Variants in SCYL2 observed in about 807,000 individuals in gnomAD.
SCYL2 encodes the protein SCY1 like pseudokinase 2.
Under a neutral mutation model 100.4 loss-of-function variants are expected in SCYL2, and 36 were observed. That is an observed-to-expected ratio of 0.36 (90% CI 0.27 to 0.47). The LOEUF is 0.47. Ranked by LOEUF, SCYL2 falls within the 20% of genes least tolerant of loss-of-function variation. The probability of loss-of-function intolerance (pLI) is 1.00; values close to 1 mark genes in which losing one functional copy is unlikely to be tolerated. For missense variants in SCYL2, 902 were observed against 1,083.9 expected (o/e 0.83, Z 2.36); for synonymous variants, 330 against 359.2 (o/e 0.92, Z 0.92).
chr12:100,327,214 T>G, intron 12 of SCYL2: 1 of 397,034 alleles, frequency 2.5e-6, no homozygotes, highest in South Asian at 1.9e-5. Flanking sequence ...GTAAAATAAG[T>G]GATTCAAGAT....
In SCYL2 at chr12:100,267,283, T is replaced by C; in HGVS notation, c.-538T>C. 1 of 560,688 alleles carries C rather than the reference T, an allele frequency of 1.8e-6. No homozygotes were observed. The highest frequency in any genetic ancestry group is 3.3e-5 in the Admixed American group (1 of 30,050). The allele number at this position is 560,688 out of a possible 1,614,324, so 34.7% of individuals were successfully genotyped here. On this transcript the variant is annotated 5_prime_UTR_variant, in exon 1 of 18. An upstream open reading frame in the 5' UTR loses its in-frame stop. Transcript: ENST00000360820. ...CGCGGGGGCGGCGGAGGATATGGAG[T>C]AAAGCCAGAGTCAGTGGCCAGGCAC...
intron 4 of SCYL2, among the ~76,000 whole-genome samples, chr12:100,305,079 A>G (rs934215360): frequency 1.2e-4 from 19 of 152,336 alleles, no homozygotes; most frequent in African/African-American, 4.3e-4. Context: ...CCCATTGTCA[A>G]TATTAGACAG....
At chr12:100,298,852 G>A (rs1346053585) in intron 4 of SCYL2, among the ~76,000 whole-genome samples, 1 of 152,204 alleles carries the variant, frequency 6.6e-6, no homozygotes, top group Non-Finnish European at 1.5e-5. Context: ...AAAGTGCTGG[G>A]ATTACAAGAG....
In SCYL2 at chr12:100,291,753, A is replaced by C. The variant is rs906484790; in HGVS notation, c.335+93A>C. The C allele has an allele frequency of 3.4e-5, 42 of 1,235,372 alleles. 1 individual carries two copies. The South Asian group carries it at 5.7e-4, about 17-fold the overall frequency. The allele number at this position is 1,235,372 out of a possible 1,614,324, so 76.5% of individuals were successfully genotyped here. On this transcript the variant is annotated intron_variant, in intron 3 of 17. Transcript: ENST00000360820. ...AAATCTGTTTCAAGTATTGTCAGTG[A>C]AAAATTCTTATACTCTAAGTGTTGA...
At position 100,338,709 on chromosome 12, in the gene SCYL2, A is replaced by G. The variant is rs753750098; in HGVS notation, c.2327A>G (p.Asn776Ser). The change falls in exon 18 of 18, where the codon AAT (asparagine) becomes AGT (serine). Residue 776 changes from asparagine to serine, a missense_variant. By Grantham distance (46) the Asn-to-Ser change is conservative (BLOSUM62 1). Coordinates refer to ENST00000360820, the MANE Select transcript of SCYL2 (RefSeq NM_017988.6). ...KRNLTNGLNA[N>S]MGFQTSGFNM... ...AATTTGACAAATGGCCTAAATGCCA[A>G]TATGGGCTTTCAGACTTCAGGATTC... The G allele has an allele frequency of 4.3e-6, 7 of 1,614,038 alleles. No individual in the cohort carries two copies. The highest frequency in any genetic ancestry group is 3.3e-5 in the Admixed American group (2 of 60,006).
At chr12:100,336,773 T>C (rs1952282946) in intron 16 of SCYL2, among the ~76,000 whole-genome samples, 1 of 152,178 alleles carries the variant, frequency 6.6e-6, no homozygotes, top group African/African-American at 2.4e-5. Flanking sequence ...TACTTTTCTC[T>C]TGGTTAGCAT....
chr12:100,299,804 A>G (rs1319465638), intron 4 of SCYL2, among the ~76,000 whole-genome samples: 1 of 152,172 alleles, frequency 6.6e-6, no homozygotes, highest in Non-Finnish European at 1.5e-5. Flanking sequence ...GCTACTGTGC[A>G]TAAAGCTGCT....
At chr12:100,273,045 T>C (rs890878260) in intron 1 of SCYL2, among the ~76,000 whole-genome samples, 40 of 152,264 alleles carry the variant, frequency 2.6e-4, no homozygotes, top group African/African-American at 9.4e-4. Context: ...TTCTCTTCAG[T>C]CTTGCCATAT....
chr12:100,276,170 C>A (rs1222201352), intron 1 of SCYL2, among the ~76,000 whole-genome samples: 1 of 152,020 alleles, frequency 6.6e-6, no homozygotes, highest in Non-Finnish European at 1.5e-5. Context: ...TGGAAAGTAT[C>A]CTCCCCTCTT....
At chr12:100,337,145 AT>A (rs1182894929) in intron 16 of SCYL2, among the ~76,000 whole-genome samples, 1 of 152,288 alleles carries the variant, frequency 6.6e-6, no homozygotes, top group African/African-American at 2.4e-5. Flanking sequence ...ATTCTAATGA[AT>A]GGTTTTAAAA....
At chr12:100,312,377 G>T in intron 5 of SCYL2, 55 bp from the exon 6 acceptor site, 1 of 1,267,314 alleles carries the variant, frequency 7.9e-7, no homozygotes, top group Non-Finnish European at 1.2e-6. Flanking sequence ...ACTACTGCTT[G>T]ATAGTTGTTT....
intron 3 of SCYL2, among the ~76,000 whole-genome samples, chr12:100,296,168 T>A (rs888069901): frequency 3.3e-5 from 5 of 152,210 alleles, no homozygotes; most frequent in African/African-American, 1.2e-4. Context: ...AATTCAAAGA[T>A]TACTTTAAGA....
At chr12:100,301,039 G>C (rs772782170) in intron 4 of SCYL2, among the ~76,000 whole-genome samples, 8 of 152,148 alleles carry the variant, frequency 5.3e-5, no homozygotes, top group Non-Finnish European at 1.0e-4. Flanking sequence ...TGGATTGTAT[G>C]GTAGCTCAAA....
intron 4 of SCYL2, among the ~76,000 whole-genome samples, chr12:100,308,165 T>G (rs926371359): frequency 1.3e-5 from 2 of 152,140 alleles, no homozygotes; most frequent in Non-Finnish European, 2.9e-5. Context: ...TATAAATGAT[T>G]CTACTATAAA....
rs2096300484 is a variant in SCYL2, at chr12:100,282,966, CA to C, written c.-4del. 18 of 1,579,340 alleles carry C rather than the reference CA, an allele frequency of 1.1e-5. No individual in the cohort carries two copies. The highest frequency in any genetic ancestry group is 1.5e-5 in the Non-Finnish European group (17 of 1,160,782). On this transcript the variant is annotated 5_prime_UTR_variant, in exon 2 of 18. Transcript: ENST00000360820. ...AGGTAACTATAACTACCCAATATTG[CA>C]GCCATGGAGTCCATGCTTAATAAAT...
intron 1 of SCYL2, among the ~76,000 whole-genome samples, chr12:100,272,710 T>G (rs1353100450): frequency 6.6e-6 from 1 of 152,010 alleles, no homozygotes; most frequent in Non-Finnish European, 1.5e-5. Flanking sequence ...AAATTGGGGG[T>G]GGGGTAGGAT....
At chr12:100,322,106 C>T (rs1452161218) in intron 10 of SCYL2, among the ~76,000 whole-genome samples, 6 of 150,274 alleles carry the variant, frequency 4.0e-5, no homozygotes, top group Admixed American at 4.0e-4. Flanking sequence ...GGCGCGGTGG[C>T]TCACGCCTGT....
At chr12:100,331,193 G>A (rs1005421663) in intron 13 of SCYL2, among the ~76,000 whole-genome samples, 1 of 152,154 alleles carries the variant, frequency 6.6e-6, no homozygotes, top group African/African-American at 2.4e-5. Context: ...GGTTAGGGTG[G>A]GCAAGAAGGG....
intron 2 of SCYL2, 142 bp downstream of exon 2, chr12:100,283,289 T>C (rs1026081432): frequency 1.2e-5 from 8 of 650,302 alleles, no homozygotes; most frequent in South Asian, 9.2e-5. Flanking sequence ...TTTTATCTTA[T>C]TAAGTCATAC....
Sources: gnomAD v4.1 joint callset for allele counts (sites outside exome capture counted in the v4.1 genomes callset) on GRCh38, gnomAD v4.1.1 for gene constraint, MANE v1.5 for transcripts, NCBI Gene and HGNC (gene_info 2026-07-23, HGNC 2026-07-21) for gene names.